CLDN18: variants seen among roughly 807,000 people sequenced by gnomAD.
CLDN18 encodes claudin 18, also known as claudin-18.
A neutral mutation model predicts 25.0 loss-of-function variants in CLDN18; 20 were observed. That is an observed-to-expected ratio of 0.80 (90% CI 0.56 to 1.16). The LOEUF (loss-of-function observed/expected upper bound fraction) is 1.16, where lower values mean the gene tolerates loss of function less well. CLDN18 is among the 50% of genes most tolerant of loss of function. The pLI is 0.00. For synonymous variants in CLDN18, 125 were observed against 135.6 expected, an observed-to-expected ratio of 0.92 and a Z score of 0.54; for missense variants, 297 against 345.4, an observed-to-expected ratio of 0.86 and a Z score of 1.11.
Position 138,031,775 on chromosome 3 carries a change from C to G in CLDN18, c.*634C>G, listed in dbSNP as rs1942399430. ...TACTGCTGTTGACATCTTCTTATTA[C>G]AGCAACACCATTCTAGGAGTTTCCT... On this transcript the variant is annotated 3_prime_UTR_variant, in exon 5 of 5. Coordinates refer to ENST00000183605, the MANE Select transcript of CLDN18 (RefSeq NM_016369.4). 6.6e-6 allele frequency: 1 copy of G among 152,222 alleles called. No individual in the cohort carries two copies. The allele number at this position is 152,222 out of a possible 1,614,324, so 9.4% of individuals were successfully genotyped here.
chr3:138,012,329 T>A (rs1942144207), intron 1 of CLDN18, among the ~76,000 whole-genome samples: 1 of 152,124 alleles, frequency 6.6e-6, no homozygotes, highest in Non-Finnish European at 1.5e-5. Context: ...AACTCCTAGT[T>A]CTCAGTTCTC....
chr3:138,003,477 T>C (rs921930738), intron 1 of CLDN18, among the ~76,000 whole-genome samples: 3 of 152,156 alleles, frequency 2.0e-5, no homozygotes, highest in East Asian at 3.9e-4. Context: ...GAATGTACTA[T>C]GTTAAGAAAA....
At chr3:138,029,584 T>C (rs1942363374) in intron 3 of CLDN18, among the ~76,000 whole-genome samples, 1 of 152,208 alleles carries the variant, frequency 6.6e-6, no homozygotes, top group South Asian at 2.1e-4. Flanking sequence ...AGAATCCCCC[T>C]GCTGTTTTGC....
intron 1 of CLDN18, chr3:138,004,703 T>C (rs1036892972): frequency 1.3e-5 from 2 of 151,782 alleles, no homozygotes; most frequent in Middle Eastern, 3.4e-3. Context: ...GACTAGCTTT[T>C]TTTGAAGGAA....
At chr3:138,009,608 G>A (rs1425185198), upstream of CLDN18, among the ~76,000 whole-genome samples, 2 of 152,118 alleles carry the variant, frequency 1.3e-5, no homozygotes, top group Non-Finnish European at 2.9e-5. Context: ...GAGTATCTGT[G>A]GTTCCAGGCA....
chr3:138,004,024 A>G lies in CLDN18; in HGVS notation c.220+4936A>G, dbSNP rs78645515. Among the ~76,000 whole-genome samples, 500 of 152,248 alleles carry G rather than the reference A, an allele frequency of 3.3e-3. 2 individuals carry two copies. Among genetic ancestry groups the G allele is most frequent in the Non-Finnish European group, 4.8e-3 (327 of 68,020 alleles). ...CTGTCTCTACTAAAAATACAAAAAA[A>G]TTAGCCAGGTGTGGTGGTGCACGCC... On this transcript the variant is annotated intron_variant, in intron 1 of 4. Transcript: ENST00000343735.
At chr3:138,005,414 G>C (rs986027088), upstream of CLDN18, among the ~76,000 whole-genome samples, 3 of 151,886 alleles carry the variant, frequency 2.0e-5, no homozygotes, top group Admixed American at 1.3e-4. Flanking sequence ...ACAGGCCCAG[G>C]TGTGTGATGT....
Position 138,024,725 on chromosome 3 carries a change from G to A in CLDN18, c.503+1G>A, listed in dbSNP as rs563592113. The A allele has an allele frequency of 1.3e-6, 2 of 1,525,202 alleles. No homozygotes were observed. Among genetic ancestry groups the A allele is most frequent in the East Asian group, 2.3e-5 (1 of 44,440 alleles). 94.5% of individuals were successfully genotyped at this position (1,525,202 alleles called of 1,614,324 possible). On this transcript the variant is annotated splice_donor_variant, in intron 3 of 4. Coordinates refer to ENST00000183605, the MANE Select transcript of CLDN18 (RefSeq NM_016369.4). LOFTEE classifies it high-confidence loss of function. Reference sequence around the variant, plus strand: ...GGATGGTGCAGACTGTTCAGACCAGGTAACCTCCTAATCTAGGTCTCGGCA... The same window carrying A: ...GGATGGTGCAGACTGTTCAGACCAGATAACCTCCTAATCTAGGTCTCGGCA...
upstream of CLDN18, among the ~76,000 whole-genome samples, chr3:138,009,127 G>C (rs186605640): frequency 1.4e-4 from 21 of 152,336 alleles, no homozygotes; most frequent in East Asian, 4.0e-3. Flanking sequence ...GTAGAAGATA[G>C]TGTATGAGAT....
chr3:138,012,293 G>A (rs1273031378), intron 1 of CLDN18, among the ~76,000 whole-genome samples: 2 of 152,152 alleles, frequency 1.3e-5, no homozygotes, highest in African/African-American at 4.8e-5. Context: ...CCATAGCAGA[G>A]GATGAAGGGG....
chr3:138,004,939 T>G (rs1576405541), intron 1 of CLDN18: 1 of 152,190 alleles, frequency 6.6e-6, no homozygotes, highest in South Asian at 2.1e-4. Context: ...TTGAGCATAC[T>G]TTATGTACCA....
At chr3:138,004,549 T>C (rs1381870988) in intron 1 of CLDN18, 2 of 152,124 alleles carry the variant, frequency 1.3e-5, no homozygotes, top group Non-Finnish European at 2.9e-5. Flanking sequence ...AAAGTATGCT[T>C]TGGCATAAGG....
At chr3:138,030,417 G>A (rs1942377215) in intron 4 of CLDN18, among the ~76,000 whole-genome samples, 1 of 152,214 alleles carries the variant, frequency 6.6e-6, no homozygotes, top group Non-Finnish European at 1.5e-5. Flanking sequence ...CTGGTGTGGG[G>A]ACAGCTGGAT....
At chr3:138,011,424 A>G (rs935122594) in intron 1 of CLDN18, among the ~76,000 whole-genome samples, 3 of 152,252 alleles carry the variant, frequency 2.0e-5, no homozygotes, top group Non-Finnish European at 1.5e-5. Flanking sequence ...TCAGAAAGAA[A>G]TAGAAGATGG....
At chr3:138,020,454 C>T (rs1942257571) in intron 1 of CLDN18, among the ~76,000 whole-genome samples, 3 of 152,232 alleles carry the variant, frequency 2.0e-5, no homozygotes, top group Admixed American at 1.3e-4. Context: ...GCCTCTGCTC[C>T]TCAGATATTG....
intron 1 of CLDN18, among the ~76,000 whole-genome samples, chr3:138,023,388 C>T (rs1383806346): frequency 1.3e-5 from 2 of 152,206 alleles, no homozygotes; most frequent in Non-Finnish European, 2.9e-5. Flanking sequence ...CAAGGGCCCC[C>T]CCAAGTTCCA....
intron 1 of CLDN18, among the ~76,000 whole-genome samples, chr3:138,014,455 C>T (rs1210848003): frequency 6.6e-6 from 1 of 151,942 alleles, no homozygotes; most frequent in African/African-American, 2.4e-5. Context: ...CCTACAAAAC[C>T]CAGCATGGCA....
intron 1 of CLDN18, among the ~76,000 whole-genome samples, chr3:138,001,663 G>GT (rs1225084112): frequency 6.6e-6 from 1 of 152,108 alleles, no homozygotes; most frequent in East Asian, 1.9e-4. Context: ...GTGCGCATGT[G>GT]TGTGTGTAAA....
At chr3:138,006,567 G>T (rs1040148520), upstream of CLDN18, among the ~76,000 whole-genome samples, 1 of 152,144 alleles carries the variant, frequency 6.6e-6, no homozygotes, top group Admixed American at 6.5e-5. Flanking sequence ...GACTTATCTG[G>T]TAGAGATACA....
Sources: allele counts gnomAD v4.1 joint callset (sites outside exome capture counted in the v4.1 genomes callset), GRCh38; gene constraint gnomAD v4.1.1; transcripts MANE v1.5; gene names NCBI Gene and HGNC (gene_info 2026-07-23, HGNC 2026-07-21).